Variants in CCDC13 observed in about 807,000 individuals in gnomAD.
The protein encoded by CCDC13 is coiled-coil domain-containing protein 13.
In CCDC13, 70 loss-of-function variants were observed where a neutral mutation model predicts 87.3. The ratio of observed to expected loss-of-function variants is 0.80; its 90% confidence interval spans 0.66 to 0.98. The LOEUF is 0.98. Among genes scored for constraint, CCDC13 ranks in the 50% least tolerant of loss-of-function variants. The probability of loss-of-function intolerance (pLI) is 0.00; values close to 1 mark genes in which losing one functional copy is unlikely to be tolerated. For synonymous variants in CCDC13, 317 were observed against 360.3 expected (o/e 0.88, Z 1.36); for missense variants, 842 against 892.0 (o/e 0.94, Z 0.71).
intron 14 of CCDC13, among the ~76,000 whole-genome samples, chr3:42,711,091 C>A (rs1381528079): frequency 4.6e-5 from 7 of 151,856 alleles, no homozygotes; most frequent in Admixed American, 3.9e-4. Context: ...ACTAAAAATA[C>A]ATAAATTAGC....
intron 1 of CCDC13, among the ~76,000 whole-genome samples, chr3:42,772,756 G>A (rs941735141): frequency 8.5e-5 from 13 of 152,150 alleles, no homozygotes; most frequent in Non-Finnish European, 1.9e-4. Flanking sequence ...TGTGGGGGCT[G>A]GGCCTGGAAG....
chr3:42,770,664 C>T (rs974237779), intron 1 of CCDC13: 3 of 152,380 alleles, frequency 2.0e-5, no homozygotes, highest in Middle Eastern at 3.2e-3. Flanking sequence ...TGCACTAAAT[C>T]TTGCTACTGC....
chr3:42,751,556 C>A (rs1699579025), intron 5 of CCDC13, among the ~76,000 whole-genome samples: 1 of 152,188 alleles, frequency 6.6e-6, no homozygotes, highest in Non-Finnish European at 1.5e-5. Context: ...CTGGATGTGT[C>A]CCCAGTGAGG....
intron 6 of CCDC13, 77 bp from the exon 7 acceptor site, chr3:42,746,104 G>A (rs1450451729): frequency 9.3e-7 from 1 of 1,077,980 alleles, no homozygotes; most frequent in Non-Finnish European, 1.4e-6. Flanking sequence ...GTATTTAGAA[G>A]CATATTCAGA....
chr3:42,747,268 T>C lies in CCDC13; in HGVS notation c.709A>G (p.Met237Val), dbSNP rs1396572727. ...TGGCTCTGAAAGACCTTCTGTGCCA[T>C]CCGCAGCTCCTGCTTCACAGACTGG... ...QIQSVKQELR[M>V]AQKVLAREVG... Residue 237 changes from methionine to valine, a missense_variant, in exon 6 of 16, where the codon ATG (methionine) becomes GTG (valine). Met to Val is a conservative substitution (Grantham distance 21, BLOSUM62 1). Transcript: ENST00000310232. The C allele has an allele frequency of 6.2e-7, 1 of 1,613,884 alleles. No homozygotes were observed. Among genetic ancestry groups the C allele is most frequent in the East Asian group, 2.2e-5 (1 of 44,878 alleles).
chr3:42,746,930 C>T, intron 6 of CCDC13: 1 of 443,708 alleles, frequency 2.3e-6, no homozygotes, highest in Non-Finnish European at 4.2e-6. Flanking sequence ...TACTGGGGCA[C>T]AAGTAGTGCA....
intron 9 of CCDC13, among the ~76,000 whole-genome samples, chr3:42,738,845 T>G (rs886545983): frequency 1.3e-5 from 2 of 152,206 alleles, no homozygotes; most frequent in African/African-American, 2.4e-5. Context: ...TACAATCATG[T>G]CATCTGCAAA....
At chr3:42,741,132 T>G (rs948673555) in intron 8 of CCDC13, 1 of 152,326 alleles carries the variant, frequency 6.6e-6, no homozygotes, top group South Asian at 2.1e-4. Context: ...TTTCCAAATC[T>G]CAACTCCCTT....
At position 42,730,545 on chromosome 3, in the gene CCDC13, G is replaced by A; in HGVS notation, c.1640C>T (p.Ser547Leu). Residue 547 changes from serine (S) to leucine (L), a missense_variant, in exon 13 of 16, where the codon TCA (serine) becomes TTA (leucine). By Grantham distance (145) the Ser-to-Leu change is moderately radical. Transcript: ENST00000310232. ...AGCCTGCCAGAGGGCCTTGATCTCT[G>A]ACACTTGTGCCTGCCAGCCTTTTTG... ...PEQKGWQAQVSEIKALWQAAE... is the reference protein window; with the variant it reads ...PEQKGWQAQVLEIKALWQAAE... 1 of 1,614,154 alleles carries A rather than the reference G, an allele frequency of 6.2e-7. No homozygotes were observed. The highest frequency in any genetic ancestry group is 8.5e-7 in the Non-Finnish European group (1 of 1,180,004).
intron 13 of CCDC13, among the ~76,000 whole-genome samples, chr3:42,722,992 T>A (rs540844105): frequency 1.3e-4 from 19 of 151,950 alleles, no homozygotes; most frequent in South Asian, 4.2e-4. Context: ...AGAGACGGGG[T>A]TTCACCCTGT....
chr3:42,722,924 G>T (rs1463375135), intron 13 of CCDC13, among the ~76,000 whole-genome samples: 1 of 150,660 alleles, frequency 6.6e-6, no homozygotes, highest in Non-Finnish European at 1.5e-5. Context: ...AGCCTCCCGT[G>T]TAGCTGGGAC....
Position 42,730,332 on chromosome 3 carries a change from T to C in CCDC13, c.1718+135A>G, listed in dbSNP as rs926487036. ...CCCCAAGGTTGTGGGGCGCATGAGTTGTGGCTAGGAATGCCCTGGACCAAC... is the reference window on the plus strand; with the variant it reads ...CCCCAAGGTTGTGGGGCGCATGAGTCGTGGCTAGGAATGCCCTGGACCAAC... On this transcript the variant is annotated intron_variant, in intron 13 of 15. Transcript: ENST00000310232. 36 of 1,275,370 alleles carry C rather than the reference T, an allele frequency of 2.8e-5. 1 individual carries two copies. In the African/African-American group the frequency reaches 4.9e-4, roughly 18 times the overall value. The allele number at this position is 1,275,370 out of a possible 1,614,324, so 79.0% of individuals were successfully genotyped here.
chr3:42,735,068 G>A (rs1698961326), intron 10 of CCDC13, among the ~76,000 whole-genome samples: 2 of 152,222 alleles, frequency 1.3e-5, no homozygotes, highest in South Asian at 4.1e-4. Flanking sequence ...AGGGAGTTAG[G>A]AGAGTGCCTA....
intron 5 of CCDC13, among the ~76,000 whole-genome samples, 158 bp from the exon 6 acceptor site, chr3:42,747,531 C>T (rs961502750): frequency 3.3e-5 from 5 of 152,232 alleles, no homozygotes; most frequent in African/African-American, 4.8e-5. Flanking sequence ...GGTAGGTTCT[C>T]TTGTAAGCCC....
At chr3:42,714,338 C>T (rs909194615) in intron 13 of CCDC13, among the ~76,000 whole-genome samples, 1 of 152,206 alleles carries the variant, frequency 6.6e-6, no homozygotes, top group Non-Finnish European at 1.5e-5. Context: ...GAGCAAAGGG[C>T]ATAGACACCA....
At position 42,709,896 on chromosome 3, in the gene CCDC13, A is replaced by C. The variant is rs568681221; in HGVS notation, c.1874-98T>G. On this transcript the variant is annotated intron_variant, in intron 14 of 15. Coordinates refer to ENST00000310232, the MANE Select transcript of CCDC13 (RefSeq NM_144719.4). ...CATTGCCCACTGCCTGCTCTTCCAC[A>C]TGGTGAAACGCTACACCGCCTTCGG... 8 of 921,406 alleles carry C rather than the reference A, an allele frequency of 8.7e-6. No individual in the cohort carries two copies. The Admixed American group carries it at 1.1e-4, about 12-fold the overall frequency. The allele number at this position is 921,406 out of a possible 1,614,324, so 57.1% of individuals were successfully genotyped here.
chr3:42,711,243 C>CT (rs1698303202), intron 14 of CCDC13, among the ~76,000 whole-genome samples: 1 of 74,198 alleles, frequency 1.3e-5, no homozygotes. Flanking sequence ...GAGACTCTGT[C>CT]TCCAAAAAAA....
intron 1 of CCDC13, among the ~76,000 whole-genome samples, chr3:42,770,421 A>T (rs1700043174): frequency 1.3e-5 from 2 of 152,132 alleles, no homozygotes; most frequent in South Asian, 4.1e-4. Context: ...TCTAGTGGGG[A>T]AGTGGAAAAC....
intron 7 of CCDC13, 72 bp downstream of exon 7, chr3:42,745,851 G>A: frequency 8.2e-7 from 1 of 1,226,246 alleles, no homozygotes; most frequent in South Asian, 1.2e-5. Flanking sequence ...TCTCTAAGGG[G>A]GTCAGGGCAG....
Sources: gnomAD v4.1 joint callset for allele counts (sites outside exome capture counted in the v4.1 genomes callset) on GRCh38, gnomAD v4.1.1 for gene constraint, MANE v1.5 for transcripts, NCBI Gene and HGNC (gene_info 2026-07-23, HGNC 2026-07-21) for gene names.